ARHGAP23: variants seen among roughly 807,000 people sequenced by gnomAD.
The protein encoded by ARHGAP23 is Rho GTPase activating protein 23.
Under a neutral mutation model 136.3 loss-of-function variants are expected in ARHGAP23, and 34 were observed. The observed-to-expected ratio is 0.25, with a 90% CI of 0.19 to 0.33. ARHGAP23 has a LOEUF of 0.33. Among genes scored for constraint, ARHGAP23 ranks in the 10% least tolerant of loss-of-function variants. The pLI, the probability that ARHGAP23 is intolerant of heterozygous loss-of-function variation, is 1.00. For missense variants in ARHGAP23, 1,808 were observed against 2,139.0 expected, an observed-to-expected ratio of 0.85 and a Z score of 3.05; for synonymous variants, 832 against 920.5, an observed-to-expected ratio of 0.90 and a Z score of 1.74.
rs745319805 is a variant in ARHGAP23, at chr17:38,467,347, T to C, written c.1648+16T>C. 5.5e-6 allele frequency: 8 copies of C among 1,461,984 alleles called. No homozygotes were observed. Among genetic ancestry groups the C allele is most frequent in the Non-Finnish European group, 7.2e-6 (8 of 1,104,582 alleles). 90.6% of individuals were successfully genotyped at this position (1,461,984 alleles called of 1,614,324 possible). A position where few individuals can be genotyped will look rare whatever the true frequency, so the allele number is the denominator to read the frequency against. ...CCCTTTATTGGTGAGTGATGGTACATGTGGCTGTCCTGGGGGACTTAGCTG... is the reference window on the plus strand; with the variant it reads ...CCCTTTATTGGTGAGTGATGGTACACGTGGCTGTCCTGGGGGACTTAGCTG... On this transcript the variant is annotated intron_variant, in intron 7 of 23. Coordinates refer to ENST00000622683, the MANE Select transcript of ARHGAP23 (RefSeq NM_001199417.2).
At chr17:38,481,599 A>T (rs1013863752) in intron 14 of ARHGAP23, among the ~76,000 whole-genome samples, 7 of 152,060 alleles carry the variant, frequency 4.6e-5, no homozygotes, top group East Asian at 1.9e-4. Flanking sequence ...GGCAAAAAAA[A>T]TTTTTTTTAA....
chr17:38,444,788 G>A (rs1426440551), intron 1 of ARHGAP23, among the ~76,000 whole-genome samples: 3 of 152,060 alleles, frequency 2.0e-5, no homozygotes, highest in Non-Finnish European at 4.4e-5. Context: ...GGGCACCAAG[G>A]AGAGACCTGT....
intron 20 of ARHGAP23, among the ~76,000 whole-genome samples, chr17:38,495,778 A>G (rs768949072): frequency 2.6e-5 from 4 of 152,248 alleles, no homozygotes; most frequent in Non-Finnish European, 5.9e-5. Flanking sequence ...ATGCATGGCT[A>G]CCCTTAAATA....
At chr17:38,456,506 C>T (rs2039329102) in intron 1 of ARHGAP23, among the ~76,000 whole-genome samples, 3 of 152,152 alleles carry the variant, frequency 2.0e-5, no homozygotes, top group Non-Finnish European at 2.9e-5. Flanking sequence ...TGCCTGGTGC[C>T]GAGGAGGAGT....
chr17:38,428,860 C>T (rs1476857500), intron 1 of ARHGAP23, among the ~76,000 whole-genome samples: 1 of 151,716 alleles, frequency 6.6e-6, no homozygotes, highest in African/African-American at 2.4e-5. Context: ...GCAGCGGGGG[C>T]GGGAGGCCCG....
chr17:38,473,628 C>T (rs530038648), intron 11 of ARHGAP23, among the ~76,000 whole-genome samples: 4 of 148,318 alleles, frequency 2.7e-5, no homozygotes, highest in Non-Finnish European at 5.9e-5. Flanking sequence ...GCAGAGAGAA[C>T]GCATGTGGCG....
Position 38,446,349 on chromosome 17 carries a change from A to G in ARHGAP23, c.64-11753A>G, listed in dbSNP as rs572309321. 7.2e-5 allele frequency among the ~76,000 whole-genome samples: 11 copies of G among 152,118 alleles called. No individual in the cohort carries two copies. In the South Asian group the frequency reaches 1.7e-3, roughly 23 times the overall value. On this transcript the variant is annotated intron_variant, in intron 1 of 23. Transcript: ENST00000622683. Reference sequence around the variant, plus strand: ...CTTCACTTATTTTAAAAGGCTAAATAATACAATTATTATTATTCATATCAT... The same window carrying G: ...CTTCACTTATTTTAAAAGGCTAAATGATACAATTATTATTATTCATATCAT...
rs1382332847 is a variant in ARHGAP23 at position 38,462,899 on chromosome 17, G to A, written c.307G>A (p.Val103Met). The A allele has an allele frequency of 1.8e-5, 28 of 1,537,640 alleles. No individual in the cohort carries two copies. The highest frequency in any genetic ancestry group is 2.4e-5 in the Non-Finnish European group (28 of 1,142,962). The stretch of plus-strand genomic sequence containing the variant: ...CATGGACACCATCTTTGTCAAGAAT[G>A]TGAAGGAAGACGGCCCTGCCCATAG... ...EPMDTIFVKN[V>M]KEDGPAHRAG... is the part of the protein sequence containing the mutation. Residue 103 changes from valine (V) to methionine (M), a missense_variant, in exon 4 of 24, where the codon GTG becomes ATG. Physicochemically the swap from Val to Met is conservative, Grantham distance 21. Coordinates refer to ENST00000622683, the MANE Select transcript of ARHGAP23 (RefSeq NM_001199417.2).
intron 3 of ARHGAP23, among the ~76,000 whole-genome samples, chr17:38,462,323 G>A (rs1024787028): frequency 5.2e-5 from 7 of 135,316 alleles, no homozygotes; most frequent in Non-Finnish European, 7.7e-5. Flanking sequence ...GCACAATCCC[G>A]GCTTACCACA....
At position 38,469,574 on chromosome 17, in the gene ARHGAP23, G is replaced by C; in HGVS notation, c.1855G>C (p.Glu619Gln). The C allele has an allele frequency of 6.5e-7, 1 of 1,548,704 alleles. No homozygotes were observed. Among genetic ancestry groups the C allele is most frequent in the Non-Finnish European group, 8.7e-7 (1 of 1,146,728 alleles). The stretch of plus-strand genomic sequence containing the variant: ...CTCCTACCTGCTGGCCATCACCACG[G>C]AGCGCTCCAAGTCCTGCGATGATGG... ...RSSYLLAITT[E>Q]RSKSCDDGLN... Residue 619 changes from glutamate to glutamine, a missense_variant, in exon 9 of 24, where the codon GAG (glutamate) becomes CAG (glutamine). Glu to Gln is a conservative substitution (Grantham distance 29, BLOSUM62 2). Around this residue, in one of 7 missense-constraint regions of ARHGAP23, gnomAD observed 859 missense variants for 936.4 expected, o/e 0.92. Transcript: ENST00000622683.
At chr17:38,490,574 G>C (rs1201757687) in intron 19 of ARHGAP23, 23 bp downstream of exon 19, 1 of 1,487,208 alleles carries the variant, frequency 6.7e-7, no homozygotes, top group Admixed American at 2.0e-5. Context: ...CCCGCATGGA[G>C]TCTGGGGGAG....
chr17:38,466,062 C>T, intron 6 of ARHGAP23, 105 bp from the exon 7 acceptor site: 1 of 949,580 alleles, frequency 1.1e-6, no homozygotes, highest in South Asian at 2.1e-5. Flanking sequence ...GCTTGGTCCT[C>T]TCCCTTCATT....
At chr17:38,507,517 A>G (rs1310787505) in intron 23 of ARHGAP23, among the ~76,000 whole-genome samples, 1 of 152,082 alleles carries the variant, frequency 6.6e-6, no homozygotes, top group Non-Finnish European at 1.5e-5. Context: ...TAACTCCCTG[A>G]TCTCTCTGTG....
intron 12 of ARHGAP23, among the ~76,000 whole-genome samples, chr17:38,478,849 G>GCGTCCCAGGCCTGGGGT (rs1163067459): frequency 4.6e-5 from 7 of 152,210 alleles, no homozygotes; most frequent in Non-Finnish European, 8.8e-5. Flanking sequence ...AGTCATGTGG[G>GCGTCCCAGGCCTGGGGT]CGTCCCAGGC....
rs1418158699 is a variant in ARHGAP23, at chr17:38,511,031, A to C, written c.*59A>C. The C allele has an allele frequency of 6.6e-6, 9 of 1,367,482 alleles. No individual in the cohort carries two copies. Among genetic ancestry groups the C allele is most frequent in the Non-Finnish European group, 8.4e-6 (9 of 1,065,910 alleles). 84.7% of individuals were successfully genotyped at this position (1,367,482 alleles called of 1,614,324 possible). A position where few individuals can be genotyped will look rare whatever the true frequency, so the allele number is the denominator to read the frequency against. ...TCCCTAGAGCCCCTTTGGAACCAGG[A>C]GGCTTCACCAGCCTGCACCTCCTCT... On this transcript the variant is annotated 3_prime_UTR_variant, in exon 24 of 24. Transcript: ENST00000622683.
chr17:38,476,665 G>A (rs2039898529), intron 11 of ARHGAP23, among the ~76,000 whole-genome samples: 1 of 152,136 alleles, frequency 6.6e-6, no homozygotes, highest in South Asian at 2.1e-4. Context: ...TGCAGGGAGA[G>A]GAGAGGAGAG....
intron 12 of ARHGAP23, among the ~76,000 whole-genome samples, chr17:38,478,535 C>T (rs1567811096): frequency 6.6e-6 from 1 of 152,064 alleles, no homozygotes; most frequent in Non-Finnish European, 1.5e-5. Context: ...CTGCCTTAGC[C>T]TCCCGAGTAG....
chr17:38,485,545 G>T (rs991517110), intron 16 of ARHGAP23, among the ~76,000 whole-genome samples: 2 of 152,200 alleles, frequency 1.3e-5, no homozygotes. Context: ...CAGGGCTGGG[G>T]TGCAGGTGAC....
chr17:38,507,797 C>T (rs2040668150), intron 23 of ARHGAP23, among the ~76,000 whole-genome samples: 1 of 152,212 alleles, frequency 6.6e-6, no homozygotes, highest in African/African-American at 2.4e-5. Flanking sequence ...GCCTGTGACT[C>T]CTGAGTCCCT....
Sources: gnomAD v4.1 joint callset for allele counts (sites outside exome capture counted in the v4.1 genomes callset) on GRCh38, gnomAD v4.1.1 for gene constraint, gnomAD v4.1.1 regional missense constraint, MANE v1.5 for transcripts, NCBI Gene and HGNC (gene_info 2026-07-23, HGNC 2026-07-21) for gene names.